YTHDC2: variants seen among roughly 807,000 people sequenced by gnomAD.
YTHDC2 encodes 3'-5' RNA helicase YTHDC2.
YTHDC2 carries 45 observed loss-of-function variants against 174.9 expected under a neutral mutation model. The observed-to-expected ratio is 0.26, with a 90% CI of 0.20 to 0.33. The LOEUF is 0.33. YTHDC2 is among the 10% of genes least tolerant of loss of function. The pLI, the probability that YTHDC2 is intolerant of heterozygous loss-of-function variation, is 1.00. For synonymous variants in YTHDC2, 657 were observed against 574.5 expected (o/e 1.14, Z -2.05); for missense variants, 1,650 against 1,723.7 (o/e 0.96, Z 0.76).
At chr5:113,574,878 A>G (rs916240134) in intron 23 of YTHDC2, among the ~76,000 whole-genome samples, 3 of 152,208 alleles carry the variant, frequency 2.0e-5, no homozygotes, top group African/African-American at 7.2e-5. Context: ...ATGGGCTCAC[A>G]AAGGGATCCC....
At chr5:113,556,734 A>G (rs1019425318) in intron 17 of YTHDC2, among the ~76,000 whole-genome samples, 13 of 152,196 alleles carry the variant, frequency 8.5e-5, no homozygotes, top group African/African-American at 2.2e-4. Flanking sequence ...TCAGAGTGCA[A>G]TTTGAAACTA....
intron 12 of YTHDC2, among the ~76,000 whole-genome samples, chr5:113,552,336 C>T (rs114011610): frequency 2.1e-3 from 313 of 152,184 alleles, no homozygotes; most frequent in African/African-American, 7.2e-3. Flanking sequence ...TCTCCCTATT[C>T]CGCCCCAACT....
intron 17 of YTHDC2, among the ~76,000 whole-genome samples, chr5:113,559,621 C>A (rs1776828872): frequency 6.6e-6 from 1 of 152,210 alleles, no homozygotes; most frequent in Admixed American, 6.5e-5. Flanking sequence ...CTGTAGATAT[C>A]ACAGTTGGTT....
At chr5:113,553,898 T>G (rs1302120407) in intron 15 of YTHDC2, 44 bp downstream of exon 15, 2 of 1,582,726 alleles carry the variant, frequency 1.3e-6, no homozygotes, top group East Asian at 2.2e-5. Context: ...CATTAGTTAT[T>G]TTTTCTGTTT....
intron 14 of YTHDC2, 30 bp from the exon 15 acceptor site, chr5:113,553,737 T>G (rs779121801): frequency 6.2e-7 from 1 of 1,612,524 alleles, no homozygotes; most frequent in East Asian, 2.2e-5. Context: ...ACAGGTCTTA[T>G]AGTATGTTTT....
intron 23 of YTHDC2, among the ~76,000 whole-genome samples, chr5:113,577,723 T>C (rs1580631365): frequency 6.6e-6 from 1 of 152,292 alleles, no homozygotes; most frequent in South Asian, 2.1e-4. Context: ...ATCTTTTAAT[T>C]AGCCATACCT....
intron 4 of YTHDC2, among the ~76,000 whole-genome samples, chr5:113,528,081 A>C (rs921182053): frequency 6.6e-6 from 1 of 152,230 alleles, no homozygotes; most frequent in Non-Finnish European, 1.5e-5. Context: ...TAATTGTAGC[A>C]GTTCTAATTA....
At chr5:113,575,293 A>G (rs771002590) in intron 23 of YTHDC2, among the ~76,000 whole-genome samples, 2 of 152,232 alleles carry the variant, frequency 1.3e-5, no homozygotes, top group Non-Finnish European at 2.9e-5. Context: ...AGTACCTACT[A>G]TATGTCAGGT....
Position 113,513,785 on chromosome 5 carries a change from G to T in YTHDC2, c.-111G>T. ...TTCTGGTGACCTCAGCCCAACACAGGCCGTCTCCGGAGCTTCCCGGTAGTG... is the reference window on the plus strand; with the variant it reads ...TTCTGGTGACCTCAGCCCAACACAGTCCGTCTCCGGAGCTTCCCGGTAGTG... On this transcript the variant is annotated 5_prime_UTR_variant, in exon 1 of 30. Transcript: ENST00000161863. 5 of 1,260,792 alleles carry T rather than the reference G, an allele frequency of 4.0e-6. No individual in the cohort carries two copies. The highest frequency in any genetic ancestry group is 4.2e-6 in the Non-Finnish European group (4 of 943,192). 78.1% of individuals were successfully genotyped at this position (1,260,792 alleles called of 1,614,324 possible).
At chr5:113,579,067 A>C (rs1362256809) in intron 23 of YTHDC2, among the ~76,000 whole-genome samples, 1 of 151,928 alleles carries the variant, frequency 6.6e-6, no homozygotes, top group African/African-American at 2.4e-5. Context: ...AATATTTTCA[A>C]AGAACTGGGT....
intron 12 of YTHDC2, among the ~76,000 whole-genome samples, chr5:113,552,455 T>C (rs1318908541): frequency 6.6e-6 from 1 of 152,158 alleles, no homozygotes. Context: ...TATGTGGTTT[T>C]TGTGATTGGC....
At chr5:113,576,725 A>T (rs1053627713) in intron 23 of YTHDC2, among the ~76,000 whole-genome samples, 2 of 151,820 alleles carry the variant, frequency 1.3e-5, no homozygotes, top group East Asian at 3.9e-4. Context: ...CTGCCCATTT[A>T]TTTGGGTACT....
chr5:113,588,774 C>T (rs1778829809), intron 26 of YTHDC2, among the ~76,000 whole-genome samples: 1 of 151,836 alleles, frequency 6.6e-6, no homozygotes, highest in South Asian at 2.1e-4. Context: ...AGGCATGTGC[C>T]ACCATGCCTG....
rs539218739 is a variant in YTHDC2 at position 113,592,492 on chromosome 5, A to T, written c.4212+314A>T. 5 of 185,270 alleles carry T rather than the reference A, an allele frequency of 2.7e-5. No individual in the cohort carries two copies. In the East Asian group the frequency reaches 6.8e-4, roughly 25 times the overall value. The allele number at this position is 185,270 out of a possible 1,614,324, so 11.5% of individuals were successfully genotyped here. Reference sequence around the variant, plus strand: ...TGTTTTGCTTTGTCTTCATGATGCTATTTACATGCATTTTAAGCTAGTTAA... The same window carrying T: ...TGTTTTGCTTTGTCTTCATGATGCTTTTTACATGCATTTTAAGCTAGTTAA... On this transcript the variant is annotated intron_variant, in intron 28 of 29. Transcript: ENST00000161863.
intron 26 of YTHDC2, 107 bp downstream of exon 26, chr5:113,584,586 C>G: frequency 2.0e-6 from 2 of 1,011,514 alleles, no homozygotes; most frequent in Non-Finnish European, 2.8e-6. Context: ...ATTGTGGCCT[C>G]TTCTAGATGT....
Position 113,554,024 on chromosome 5 carries a change from T to C in YTHDC2, c.2133+2T>C. On this transcript the variant is annotated splice_donor_variant, in intron 16 of 29. Transcript: ENST00000161863. LOFTEE classifies it high-confidence loss of function. ...ATTGATTCTGGTAAGGTGAAAGAGG[T>C]ATGTATGGGTAAGTTGTAGTTTTAC... is the stretch of plus-strand genomic sequence containing the variant. 6.5e-7 allele frequency: 1 copy of C among 1,529,516 alleles called. No homozygotes were observed. Among genetic ancestry groups the C allele is most frequent in the Non-Finnish European group, 8.8e-7 (1 of 1,140,034 alleles). 94.7% of individuals were successfully genotyped at this position (1,529,516 alleles called of 1,614,324 possible).
chr5:113,540,903 CAAAG>C, intron 8 of YTHDC2, 61 bp from the exon 9 acceptor site: 2 of 1,473,224 alleles, frequency 1.4e-6, no homozygotes, highest in Non-Finnish European at 1.8e-6. Context: ...TTTATTTAAA[CAAAG>C]GAATACATTT....
chr5:113,543,278 A>G (rs963490984), intron 10 of YTHDC2, among the ~76,000 whole-genome samples: 1 of 152,018 alleles, frequency 6.6e-6, no homozygotes, highest in African/African-American at 2.4e-5. Context: ...CTTCCTCTCA[A>G]CCTGCACTTT....
intron 26 of YTHDC2, among the ~76,000 whole-genome samples, chr5:113,585,099 A>G (rs1019811166): frequency 6.6e-6 from 1 of 152,072 alleles, no homozygotes; most frequent in Non-Finnish European, 1.5e-5. Context: ...CTTTTTTGCT[A>G]AAATAAATAA....
Sources: allele counts gnomAD v4.1 joint callset (sites outside exome capture counted in the v4.1 genomes callset), GRCh38; gene constraint gnomAD v4.1.1; transcripts MANE v1.5; gene names NCBI Gene and HGNC (gene_info 2026-07-23, HGNC 2026-07-21).